Variants in VIT observed in about 807,000 individuals in gnomAD.
The protein encoded by VIT is vitrin.
Under a neutral mutation model 78.0 loss-of-function variants are expected in VIT, and 99 were observed. That is an observed-to-expected ratio of 1.27 (90% confidence interval 1.08 to 1.50). The LOEUF (loss-of-function observed/expected upper bound fraction) is 1.50, where lower values mean the gene tolerates loss of function less well. Among genes scored for constraint, VIT ranks in the 40% most tolerant of loss-of-function variants. The pLI is 0.00. For missense variants in VIT, 1,126 were observed against 875.3 expected, an observed-to-expected ratio of 1.29 and a Z score of -3.61; for synonymous variants, 374 against 334.3, an observed-to-expected ratio of 1.12 and a Z score of -1.29.
intron 1 of VIT, among the ~76,000 whole-genome samples, chr2:36,705,663 A>C (rs919776207): frequency 4.6e-5 from 7 of 152,108 alleles, no homozygotes; most frequent in African/African-American, 1.7e-4. Flanking sequence ...TTCTCTAACT[A>C]TTGGTGGTGA....
At chr2:36,760,784 C>T (rs905380522) in intron 6 of VIT, among the ~76,000 whole-genome samples, 1 of 152,194 alleles carries the variant, frequency 6.6e-6, no homozygotes, top group African/African-American at 2.4e-5. Context: ...AAGGTAGATA[C>T]GGATGCCTGG....
At chr2:36,726,406 T>C (rs767002574) in intron 2 of VIT, among the ~76,000 whole-genome samples, 7 of 152,250 alleles carry the variant, frequency 4.6e-5, no homozygotes, top group Non-Finnish European at 1.0e-4. Flanking sequence ...TGAATACCTG[T>C]ATACATATAG....
intron 4 of VIT, among the ~76,000 whole-genome samples, chr2:36,746,446 G>T (rs6749915): frequency 0.012 from 1,829 of 151,738 alleles, 36 homozygotes; most frequent in African/African-American, 0.041. Context: ...GCTTTTTTTT[G>T]GTTAGTAGGT....
At position 36,808,921 on chromosome 2, in the gene VIT, C is replaced by T. The variant is rs1405353551; in HGVS notation, c.1839C>T (p.Ile613=). The change falls in exon 15 of 16, where the codon ATC becomes ATT. Residue 613 remains isoleucine, a synonymous_variant. Coordinates refer to ENST00000379242, the MANE Select transcript of VIT (RefSeq NM_053276.4). ...AGCCCAACAAGAGGAAGTTAATGAT[C>T]CTCATCACCGACGGGAGGTCCTACG... The part of the protein sequence containing the change: ...KSKPNKRKLM[I]LITDGRSYDD... The T allele has an allele frequency of 6.2e-7, 1 of 1,613,684 alleles. No individual in the cohort carries two copies. Among genetic ancestry groups the T allele is most frequent in the Non-Finnish European group, 8.5e-7 (1 of 1,179,700 alleles).
intron 6 of VIT, among the ~76,000 whole-genome samples, chr2:36,761,404 C>T (rs989904714): frequency 6.6e-6 from 1 of 152,022 alleles, no homozygotes. Flanking sequence ...ACTGGAATGG[C>T]CTCACCCGTG....
At position 36,767,112 on chromosome 2, in the gene VIT, A is replaced by G. The variant is rs769935847; in HGVS notation, c.506A>G (p.Tyr169Cys). 42 of 1,603,274 alleles carry G rather than the reference A, an allele frequency of 2.6e-5. 1 individual carries two copies. In the South Asian group the frequency reaches 4.7e-4, roughly 18 times the overall value. The change falls in exon 7 of 16, where the codon TAT (tyrosine) becomes TGT (cysteine). Residue 169 changes from tyrosine (Y) to cysteine (C), a missense_variant. Coordinates refer to ENST00000379242, the MANE Select transcript of VIT (RefSeq NM_053276.4). ...AAQAGETTKA[Y>C]QRPPIPGTTA... ...CTTACAGGTGAGACCACAAAAGCCT[A>G]TCAGAGGCCACCTATTCCAGGGACA...
Position 36,805,596 on chromosome 2 carries a change from T to G in VIT, c.1321T>G (p.Phe441Val). ...GAGAGAGTCAGGAATCAACATTTTC[T>G]TCATCACCATTGAAGGTGCTGCTGA... ...LARESGINIF[F>V]ITIEGAAENE... Residue 441 changes from phenylalanine (F) to valine (V), a missense_variant, in exon 14 of 16, where the codon TTC becomes GTC. Phe to Val is a conservative substitution (Grantham distance 50). Transcript: ENST00000379242. 1 of 1,614,112 alleles carries G rather than the reference T, an allele frequency of 6.2e-7. No individual in the cohort carries two copies. The highest frequency in any genetic ancestry group is 1.1e-5 in the South Asian group (1 of 91,080).
chr2:36,751,251 CT>C (rs1668442584), intron 4 of VIT, among the ~76,000 whole-genome samples: 1 of 152,200 alleles, frequency 6.6e-6, no homozygotes, highest in Non-Finnish European at 1.5e-5. Context: ...TGAAAATCAG[CT>C]GGGTGTGGTG....
chr2:36,740,785 C>A (rs1667790124), intron 3 of VIT, among the ~76,000 whole-genome samples: 1 of 152,186 alleles, frequency 6.6e-6, no homozygotes, highest in Non-Finnish European at 1.5e-5. Context: ...AATTGATTAG[C>A]AGGAAGTAAA....
intron 1 of VIT, 33 bp downstream of exon 1, chr2:36,697,006 A>G (rs1664720171): frequency 6.6e-6 from 1 of 152,194 alleles, no homozygotes; most frequent in South Asian, 2.1e-4. Flanking sequence ...CTGTGTATAT[A>G]GTTACTTTCC....
Position 36,814,406 on chromosome 2 carries a change from A to G in VIT, c.*45A>G. On this transcript the variant is annotated 3_prime_UTR_variant, in exon 16 of 16. Transcript: ENST00000379242. Reference sequence around the variant, plus strand: ...CCAGCAAGTGCTGCTTTACTAACTGACGTGTTGGACCACCCCACCGCTTAA... The same window carrying G: ...CCAGCAAGTGCTGCTTTACTAACTGGCGTGTTGGACCACCCCACCGCTTAA... The G allele has an allele frequency of 6.2e-7, 1 of 1,605,180 alleles. No homozygotes were observed. The highest frequency in any genetic ancestry group is 8.5e-7 in the Non-Finnish European group (1 of 1,175,202).
chr2:36,812,384 C>A (rs1305658216), intron 15 of VIT, among the ~76,000 whole-genome samples: 1 of 152,050 alleles, frequency 6.6e-6, no homozygotes. Flanking sequence ...TTTGCTTACC[C>A]TACTCAGACC....
At chr2:36,785,919 A>G (rs915177168) in intron 11 of VIT, among the ~76,000 whole-genome samples, 1 of 152,226 alleles carries the variant, frequency 6.6e-6, no homozygotes, top group South Asian at 2.1e-4. Context: ...ACTCATGTTC[A>G]TTTATTGCTT....
intron 1 of VIT, among the ~76,000 whole-genome samples, chr2:36,705,229 C>T (rs1665338887): frequency 1.3e-5 from 2 of 152,160 alleles, no homozygotes; most frequent in African/African-American, 4.8e-5. Context: ...TAGCCTCTTT[C>T]CTTTAGATTT....
At position 36,814,506 on chromosome 2, in the gene VIT, A is replaced by C. The variant is rs973638682; in HGVS notation, c.*145A>C. On this transcript the variant is annotated 3_prime_UTR_variant, in exon 16 of 16. Coordinates refer to ENST00000379242, the MANE Select transcript of VIT (RefSeq NM_053276.4). ...TGTCTTGTTATTATTCTTTGCCATC[A>C]TGCTTTTTCATATTCCAAAACTTGG... is the stretch of plus-strand genomic sequence containing the variant. The C allele has an allele frequency of 3.1e-5, 32 of 1,039,404 alleles. No homozygotes were observed. In the Admixed American group the frequency reaches 8.7e-4, roughly 28 times the overall value. The allele number at this position is 1,039,404 out of a possible 1,614,324, so 64.4% of individuals were successfully genotyped here. A position where few individuals can be genotyped will look rare whatever the true frequency, so the allele number is the denominator to read the frequency against.
chr2:36,782,255 G>C, intron 10 of VIT, among the ~76,000 whole-genome samples: 1 of 152,176 alleles, frequency 6.6e-6, no homozygotes, highest in East Asian at 1.9e-4. Context: ...GGAGGTGAAG[G>C]AGAGGACTCC....
At chr2:36,776,649 C>T (rs1670064537) in intron 9 of VIT, among the ~76,000 whole-genome samples, 1 of 151,754 alleles carries the variant, frequency 6.6e-6, no homozygotes, top group Admixed American at 6.6e-5. Context: ...AAAAATACAA[C>T]AATGAGCCGG....
chr2:36,721,578 C>G (rs971629587), intron 2 of VIT, among the ~76,000 whole-genome samples: 1 of 152,230 alleles, frequency 6.6e-6, no homozygotes, highest in African/African-American at 2.4e-5. Context: ...TCAGTGTTTT[C>G]CCTTTGCCTT....
At chr2:36,813,736 G>C (rs1010485927) in intron 15 of VIT, among the ~76,000 whole-genome samples, 1 of 152,084 alleles carries the variant, frequency 6.6e-6, no homozygotes, top group Non-Finnish European at 1.5e-5. Flanking sequence ...GGCATTTAAG[G>C]CTCTCTCAGA....
Sources: gnomAD v4.1 joint callset for allele counts (sites outside exome capture counted in the v4.1 genomes callset) on GRCh38, gnomAD v4.1.1 for gene constraint, MANE v1.5 for transcripts, NCBI Gene and HGNC (gene_info 2026-07-23, HGNC 2026-07-21) for gene names.